UBE2Q2: variants seen among roughly 807,000 people sequenced by gnomAD.
UBE2Q2 encodes ubiquitin-conjugating enzyme E2 Q2.
Under a neutral mutation model 59.9 loss-of-function variants are expected in UBE2Q2, and 54 were observed. The observed-to-expected ratio is 0.90, with a 90% CI of 0.72 to 1.13. UBE2Q2 has a LOEUF of 1.13. Among genes scored for constraint, UBE2Q2 ranks in the 50% most tolerant of loss-of-function variants. The probability of loss-of-function intolerance (pLI) is 0.00; values close to 1 mark genes in which losing one functional copy is unlikely to be tolerated. For synonymous variants in UBE2Q2, 165 were observed against 155.2 expected, an observed-to-expected ratio of 1.06 and a Z score of -0.47; for missense variants, 433 against 441.9, an observed-to-expected ratio of 0.98 and a Z score of 0.18.
chr15:75,844,183 C>T lies in UBE2Q2; in HGVS notation c.180+337C>T, dbSNP rs1022649722. ...TGGCCGCCCTCAGCCGGCCTGCTCC[C>T]GGGACCGGGGCGGGGCGGGGCGGGG... On this transcript the variant is annotated intron_variant, in intron 1 of 12. Coordinates refer to ENST00000267938, the MANE Select transcript of UBE2Q2 (RefSeq NM_173469.4). 4.6e-5 allele frequency: 67 copies of T among 1,442,206 alleles called. 1 individual carries two copies. The highest frequency in any genetic ancestry group is 2.0e-4 in the South Asian group (14 of 70,124). 89.3% of individuals were successfully genotyped at this position (1,442,206 alleles called of 1,614,324 possible).
chr15:75,891,985 G>T (rs559518002), intron 11 of UBE2Q2, among the ~76,000 whole-genome samples: 1 of 152,272 alleles, frequency 6.6e-6, no homozygotes, highest in Non-Finnish European at 1.5e-5. Flanking sequence ...TTTCCCTGCT[G>T]CCCATAACCT....
intron 1 of UBE2Q2, among the ~76,000 whole-genome samples, chr15:75,848,301 T>C (rs564321620): frequency 6.6e-6 from 1 of 152,366 alleles, no homozygotes; most frequent in East Asian, 1.9e-4. Flanking sequence ...ATTTTTCTAG[T>C]CTTTACTATG....
At chr15:75,889,751 T>A (rs997578336) in intron 9 of UBE2Q2, among the ~76,000 whole-genome samples, 1 of 152,222 alleles carries the variant, frequency 6.6e-6, no homozygotes, top group Non-Finnish European at 1.5e-5. Flanking sequence ...TATTTATGTA[T>A]TTTGAAATTT....
chr15:75,852,463 A>G (rs1314307182), intron 1 of UBE2Q2, among the ~76,000 whole-genome samples: 1 of 152,200 alleles, frequency 6.6e-6, no homozygotes, highest in Non-Finnish European at 1.5e-5. Context: ...CTTTTCATCT[A>G]CAAGATTAAA....
chr15:75,875,245 T>C (rs774358661), intron 5 of UBE2Q2, among the ~76,000 whole-genome samples: 8 of 152,194 alleles, frequency 5.3e-5, no homozygotes, highest in Non-Finnish European at 8.8e-5. Context: ...ATTTTAGAGA[T>C]AGGAAAAACT....
At chr15:75,888,783 G>T (rs1382214871) in intron 9 of UBE2Q2, among the ~76,000 whole-genome samples, 1 of 152,150 alleles carries the variant, frequency 6.6e-6, no homozygotes, top group Non-Finnish European at 1.5e-5. Context: ...TAGTTATTAC[G>T]TACTTGTACA....
chr15:75,887,458 C>G (rs1409446667), intron 9 of UBE2Q2, among the ~76,000 whole-genome samples: 1 of 152,070 alleles, frequency 6.6e-6, no homozygotes, highest in East Asian at 1.9e-4. Context: ...TATACCAGAC[C>G]AGTTTGAGCT....
At chr15:75,855,211 C>A (rs763365409) in intron 2 of UBE2Q2, among the ~76,000 whole-genome samples, 1 of 152,106 alleles carries the variant, frequency 6.6e-6, no homozygotes, top group Non-Finnish European at 1.5e-5. Context: ...CATTTACTGG[C>A]CAGGTGTGGT....
chr15:75,844,101 C>T, intron 1 of UBE2Q2: 1 of 1,414,882 alleles, frequency 7.1e-7, no homozygotes, highest in Non-Finnish European at 9.2e-7. Flanking sequence ...CATCTCGGTC[C>T]CCGTCTCCTA....
chr15:75,856,750 C>T (rs1896939855), intron 2 of UBE2Q2, among the ~76,000 whole-genome samples: 1 of 152,126 alleles, frequency 6.6e-6, no homozygotes, highest in Non-Finnish European at 1.5e-5. Flanking sequence ...TCAAGACCAG[C>T]CTGGCCAACA....
chr15:75,888,166 T>C (rs1322890337), intron 9 of UBE2Q2, among the ~76,000 whole-genome samples: 2 of 152,222 alleles, frequency 1.3e-5, no homozygotes, highest in Non-Finnish European at 2.9e-5. Context: ...CACAGAGTTG[T>C]GCAGTCATTA....
intron 3 of UBE2Q2, among the ~76,000 whole-genome samples, chr15:75,867,249 C>T (rs1401750302): frequency 2.0e-5 from 3 of 152,172 alleles, no homozygotes; most frequent in Non-Finnish European, 2.9e-5. Context: ...CTGGTTTTGA[C>T]ACTCATAGAG....
chr15:75,869,301 G>C (rs1450755808), intron 4 of UBE2Q2, among the ~76,000 whole-genome samples: 2 of 152,092 alleles, frequency 1.3e-5, no homozygotes, highest in Non-Finnish European at 2.9e-5. Flanking sequence ...TCTGTATTTG[G>C]TTATTTTTAG....
chr15:75,873,587 C>G lies in UBE2Q2; in HGVS notation c.588+19C>G. On this transcript the variant is annotated intron_variant, in intron 5 of 12. Transcript: ENST00000267938. ...TTTAAATGTAAGTGTGTGTAGATAT[C>G]TAGAACCTGGACTTTTGTGGTTAAA... 4.4e-6 allele frequency: 7 copies of G among 1,596,372 alleles called. No individual in the cohort carries two copies. Among genetic ancestry groups the G allele is most frequent in the Non-Finnish European group, 6.0e-6 (7 of 1,174,368 alleles).
At chr15:75,881,613 T>C (rs1461043006) in intron 8 of UBE2Q2, among the ~76,000 whole-genome samples, 2 of 152,170 alleles carry the variant, frequency 1.3e-5, no homozygotes, top group Non-Finnish European at 2.9e-5. Flanking sequence ...TCACAGACTT[T>C]GGAGGATAGC....
rs536805075 is a variant in UBE2Q2, at chr15:75,859,568, GTTGT to G, written c.283-309_283-306del. On this transcript the variant is annotated intron_variant, in intron 2 of 12. Transcript: ENST00000267938. ...ATGCATTAATGTTCTCTTGTCTGAA[GTTGT>G]AAGTTTCTCAGAAAACGGGTTAGCA... Among the ~76,000 whole-genome samples, 405 of 152,222 alleles carry G rather than the reference GTTGT, an allele frequency of 2.7e-3. 1 individual carries two copies. The highest frequency in any genetic ancestry group is 6.8e-3 in the Middle Eastern group (2 of 294).
intron 1 of UBE2Q2, chr15:75,844,666 G>A: frequency 1.6e-6 from 1 of 608,510 alleles, no homozygotes; most frequent in South Asian, 2.4e-5. Context: ...CCAAGGCTTG[G>A]TAAAGGAATT....
chr15:75,852,865 G>A (rs1896701685), intron 1 of UBE2Q2, among the ~76,000 whole-genome samples: 1 of 152,212 alleles, frequency 6.6e-6, no homozygotes, highest in Non-Finnish European at 1.5e-5. Flanking sequence ...TACTATTAAT[G>A]ATGTCCTCCA....
intron 1 of UBE2Q2, among the ~76,000 whole-genome samples, chr15:75,850,023 A>G (rs1195136920): frequency 1.3e-5 from 2 of 152,238 alleles, no homozygotes; most frequent in Non-Finnish European, 2.9e-5. Flanking sequence ...AGCATGTGAA[A>G]GATTGAAAAT....
Sources: allele counts gnomAD v4.1 joint callset (sites outside exome capture counted in the v4.1 genomes callset), GRCh38; gene constraint gnomAD v4.1.1; transcripts MANE v1.5; gene names NCBI Gene and HGNC (gene_info 2026-07-23, HGNC 2026-07-21).